The following ITPR2 variants were observed in gnomAD, a reference collection of about 807,000 sequenced individuals.
ITPR2 encodes the protein inositol 1,4,5-trisphosphate-gated calcium channel ITPR2.
In ITPR2, 207 loss-of-function variants were observed where a neutral mutation model predicts 317.1. The observed-to-expected ratio is 0.65, with a 90% CI of 0.58 to 0.73. The LOEUF (loss-of-function observed/expected upper bound fraction) is 0.73. Ranked by LOEUF, ITPR2 falls within the 30% of genes least tolerant of loss-of-function variation. The pLI, the probability that ITPR2 is intolerant of heterozygous loss-of-function variation, is 0.00. For synonymous variants in ITPR2, 1,156 were observed against 1,149.1 expected (o/e 1.01, Z -0.12); for missense variants, 2,613 against 3,284.0 (o/e 0.80, Z 4.99).
At chr12:26,343,399 G>T (rs1023297330) in intron 55 of ITPR2, among the ~76,000 whole-genome samples, 1 of 152,174 alleles carries the variant, frequency 6.6e-6, no homozygotes, top group Non-Finnish European at 1.5e-5. Flanking sequence ...CACTGAACTT[G>T]GGAAGTTAGT....
intron 45 of ITPR2, among the ~76,000 whole-genome samples, chr12:26,445,284 A>G (rs1183477053): frequency 6.6e-6 from 1 of 152,182 alleles, no homozygotes; most frequent in African/African-American, 2.4e-5. Context: ...ATGAAGCTTT[A>G]GACGAGGAGC....
intron 34 of ITPR2, among the ~76,000 whole-genome samples, chr12:26,572,915 A>G (rs1263747724): frequency 6.6e-6 from 1 of 152,132 alleles, no homozygotes; most frequent in Non-Finnish European, 1.5e-5. Context: ...GTTCTAGTTT[A>G]TATGTCAGGA....
intron 37 of ITPR2, among the ~76,000 whole-genome samples, chr12:26,519,688 G>C (rs1275523071): frequency 6.6e-6 from 1 of 152,164 alleles, no homozygotes; most frequent in African/African-American, 2.4e-5. Context: ...ATGATGTAGA[G>C]ACAAAATATT....
chr12:26,693,283 A>T (rs564462456), intron 10 of ITPR2, among the ~76,000 whole-genome samples: 33 of 152,322 alleles, frequency 2.2e-4, no homozygotes, highest in African/African-American at 7.5e-4. Flanking sequence ...TCAATGAAGA[A>T]GTTGTTTTTT....
intron 55 of ITPR2, among the ~76,000 whole-genome samples, chr12:26,346,342 G>T (rs1938307341): frequency 6.6e-6 from 1 of 152,308 alleles, no homozygotes; most frequent in East Asian, 1.9e-4. Context: ...GCTGCGCTGG[G>T]CCAGGCACGG....
chr12:26,675,243 C>T (rs1365030137), intron 13 of ITPR2, among the ~76,000 whole-genome samples: 1 of 152,192 alleles, frequency 6.6e-6, no homozygotes, highest in Non-Finnish European at 1.5e-5. Flanking sequence ...AAGACACATG[C>T]ACATGCATGT....
At chr12:26,526,018 T>C (rs1162493294) in intron 37 of ITPR2, among the ~76,000 whole-genome samples, 2 of 152,194 alleles carry the variant, frequency 1.3e-5, no homozygotes, top group East Asian at 1.9e-4. Context: ...ATGCACACTT[T>C]ATCTCCAGCT....
In ITPR2 at chr12:26,831,075, C is replaced by T. The variant is rs1191219121; in HGVS notation, c.92+1615G>A. Among the ~76,000 whole-genome samples the T allele has an allele frequency of 6.6e-6, 1 of 152,196 alleles. No individual in the cohort carries two copies. The highest frequency in any genetic ancestry group is 1.5e-5 in the Non-Finnish European group (1 of 68,038). ...CTGCTTAACTACTACATCACACACA[C>T]ACACCTGGAGAGTCTACGGAGGGTG... On this transcript the variant is annotated intron_variant, in intron 1 of 56. Transcript: ENST00000381340. The surrounding 1 kb of genome is among the most constrained non-coding windows in gnomAD (Gnocchi z 4.9).
chr12:26,456,002 G>A (rs1349561519), intron 45 of ITPR2, among the ~76,000 whole-genome samples: 1 of 152,154 alleles, frequency 6.6e-6, no homozygotes, highest in African/African-American at 2.4e-5. Flanking sequence ...AAGCCATCAT[G>A]AGCTAAATAC....
chr12:26,702,420 G>GGTTTTTTTTTTTTTT (rs1948462998), intron 9 of ITPR2, among the ~76,000 whole-genome samples: 1 of 113,410 alleles, frequency 8.8e-6, no homozygotes, highest in Non-Finnish European at 1.8e-5. Flanking sequence ...GGGGGTTGGT[G>GGTTTTTTTTTTTTTT]TTTTTTTTTT....
At chr12:26,452,678 G>T (rs1042803600) in intron 45 of ITPR2, among the ~76,000 whole-genome samples, 1 of 152,156 alleles carries the variant, frequency 6.6e-6, no homozygotes, top group African/African-American at 2.4e-5. Context: ...ACCGGATTTG[G>T]TATCTTGAGA....
chr12:26,621,009 G>A (rs1946479654), intron 26 of ITPR2, 114 bp downstream of exon 26: 3 of 962,702 alleles, frequency 3.1e-6, no homozygotes, highest in Admixed American at 2.4e-5. Flanking sequence ...TTTGTGCTCT[G>A]TTGCTCAGAA....
chr12:26,449,666 G>A (rs954548171), intron 45 of ITPR2, among the ~76,000 whole-genome samples: 3 of 152,098 alleles, frequency 2.0e-5, no homozygotes, highest in African/African-American at 7.2e-5. Context: ...GAAATGTCCA[G>A]GTAGAAAGGA....
chr12:26,476,957 A>C lies in ITPR2; in HGVS notation c.6174T>G (p.Ser2058Arg). Residue 2058 changes from serine (S) to arginine (R), a missense_variant, in exon 44 of 57, where the codon AGT becomes AGG. This residue lies in a region of ITPR2 where 926 missense variants were observed against 1,072.8 expected (regional missense o/e 0.86). Coordinates refer to ENST00000381340, the MANE Select transcript of ITPR2 (RefSeq NM_002223.4). ...TAAAAAGAATTCTTTCTGCATTCTC[A>C]CTGTCATGTCTGCTTTCCATAATGG... ...LLAIMESRHDSENAERILFNM... is the reference protein window; with the variant it reads ...LLAIMESRHDRENAERILFNM... 6.2e-7 allele frequency: 1 copy of C among 1,613,572 alleles called. No homozygotes were observed. Among genetic ancestry groups the C allele is most frequent in the Non-Finnish European group, 8.5e-7 (1 of 1,179,636 alleles).
At position 26,372,982 on chromosome 12, in the gene ITPR2, T is replaced by C. The variant is rs74393355; in HGVS notation, c.7857+14452A>G. 3.2e-3 allele frequency among the ~76,000 whole-genome samples: 493 copies of C among 152,288 alleles called. 4 individuals carry two copies. Among genetic ancestry groups the C allele is most frequent in the African/African-American group, 0.011 (458 of 41,546 alleles). On this transcript the variant is annotated intron_variant, in intron 55 of 56. Coordinates refer to ENST00000381340, the MANE Select transcript of ITPR2 (RefSeq NM_002223.4). ...TCGAAGAAAATTCACTGTCTGTCCA[T>C]AATCAGTGTTGTCCTACTGAAAAGG...
chr12:26,362,668 C>T (rs1369883601), intron 55 of ITPR2, among the ~76,000 whole-genome samples: 3 of 152,188 alleles, frequency 2.0e-5, no homozygotes, highest in Non-Finnish European at 4.4e-5. Flanking sequence ...CTCTTCTGCT[C>T]AAACACCACC....
chr12:26,411,407 G>T lies in ITPR2; in HGVS notation c.7312C>A (p.His2438Asn). ...LKNRTPVTGS[H>N]QVPTMTLTTM... ...GTTAAAGTCATAGTAGGCACTTGAT[G>T]ACTGCCTAAGAAAATACAAAGTAGT... The change falls in exon 52 of 57, where the codon CAT (histidine) becomes AAT (asparagine). Residue 2438 changes from histidine to asparagine, a missense_variant. By Grantham distance (68) the His-to-Asn change is moderately conservative. This residue lies in a region of ITPR2 where 113 missense variants were observed against 129.2 expected (regional missense o/e 0.87). Transcript: ENST00000381340. 6.2e-7 allele frequency: 1 copy of T among 1,608,132 alleles called. No homozygotes were observed. The highest frequency in any genetic ancestry group is 1.1e-5 in the South Asian group (1 of 90,930).
chr12:26,617,525 A>G (rs1031887163), intron 26 of ITPR2, among the ~76,000 whole-genome samples: 1 of 152,178 alleles, frequency 6.6e-6, no homozygotes, highest in Non-Finnish European at 1.5e-5. Flanking sequence ...AGAAAAAGGA[A>G]TATTCTATAG....
chr12:26,508,082 T>G (rs1235356760), intron 37 of ITPR2, among the ~76,000 whole-genome samples: 1 of 152,150 alleles, frequency 6.6e-6, no homozygotes, highest in Non-Finnish European at 1.5e-5. Flanking sequence ...CTTTTCTGCT[T>G]TATTTCATTG....
Sources: gnomAD v4.1 joint callset for allele counts (sites outside exome capture counted in the v4.1 genomes callset) on GRCh38, gnomAD v4.1.1 for gene constraint, gnomAD v4.1.1 regional missense constraint, Gnocchi (gnomAD v3.1) non-coding constraint, MANE v1.5 for transcripts, NCBI Gene and HGNC (gene_info 2026-07-23, HGNC 2026-07-21) for gene names.